CFAP299: variants seen among roughly 807,000 people sequenced by gnomAD.
CFAP299 encodes the protein cilia and flagella associated protein 299.
A neutral mutation model predicts 27.0 loss-of-function variants in CFAP299; 21 were observed. That is an observed-to-expected ratio of 0.78 (90% confidence interval 0.55 to 1.12). CFAP299 has a LOEUF of 1.12. CFAP299 is among the 50% of genes most tolerant of loss of function. The pLI, the probability that CFAP299 is intolerant of heterozygous loss-of-function variation, is 0.00. For missense variants in CFAP299, 310 were observed against 276.6 expected, an observed-to-expected ratio of 1.12 and a Z score of -0.86; for synonymous variants, 104 against 98.1, an observed-to-expected ratio of 1.06 and a Z score of -0.36.
chr4:80,419,109 A>G (rs1727162849), intron 2 of CFAP299, among the ~76,000 whole-genome samples: 4 of 152,220 alleles, frequency 2.6e-5, no homozygotes, highest in Admixed American at 2.0e-4. Flanking sequence ...AGGCAGAAGG[A>G]GAGACCTAGG....
At chr4:80,674,820 T>C (rs574233624) in intron 3 of CFAP299, among the ~76,000 whole-genome samples, 5 of 152,220 alleles carry the variant, frequency 3.3e-5, no homozygotes, top group South Asian at 2.1e-4. Context: ...GAATCGGCTA[T>C]TGAAGCTTAT....
At chr4:80,455,777 A>G (rs1729117832) in intron 2 of CFAP299, among the ~76,000 whole-genome samples, 1 of 152,174 alleles carries the variant, frequency 6.6e-6, no homozygotes, top group Admixed American at 6.5e-5. Context: ...ATAATATTCA[A>G]TGACTCACAT....
rs76578307 is a variant in CFAP299, at chr4:80,437,512, C to G, written c.242+74628C>G. On this transcript the variant is annotated intron_variant, in intron 2 of 5. Coordinates refer to ENST00000358105, the MANE Select transcript of CFAP299 (RefSeq NM_152770.3). ...GAACACGATGGAGGCGAGCTGATAC[C>G]CTGTACACTTACTGAGTCACGTTGC... is the stretch of plus-strand genomic sequence containing the variant. Among the ~76,000 whole-genome samples, 149 of 152,236 alleles carry G rather than the reference C, an allele frequency of 9.8e-4. 1 individual carries two copies. Among genetic ancestry groups the G allele is most frequent in the African/African-American group, 3.5e-3 (146 of 41,536 alleles).
At chr4:80,627,080 A>G (rs1034619172) in intron 3 of CFAP299, among the ~76,000 whole-genome samples, 1 of 152,026 alleles carries the variant, frequency 6.6e-6, no homozygotes. Context: ...TGATTAATAT[A>G]AATGCAAAAA....
At chr4:80,331,373 TG>T (rs1284920003), upstream of CFAP299, among the ~76,000 whole-genome samples, 2 of 152,188 alleles carry the variant, frequency 1.3e-5, no homozygotes, top group Admixed American at 6.5e-5. Context: ...AAAAGAGGCC[TG>T]GTGAGATCCG....
chr4:80,799,481 A>T (rs1341929384), intron 3 of CFAP299, among the ~76,000 whole-genome samples: 2 of 82,654 alleles, frequency 2.4e-5, no homozygotes, highest in East Asian at 3.7e-4. Flanking sequence ...ATATATATTT[A>T]TTAAATATAT....
intron 3 of CFAP299, among the ~76,000 whole-genome samples, chr4:80,619,364 T>C (rs573227318): frequency 5.9e-5 from 9 of 152,310 alleles, no homozygotes; most frequent in African/African-American, 1.9e-4. Flanking sequence ...TTCCTTCTTA[T>C]GCTTTTTTAA....
At chr4:80,856,411 G>A (rs1731891369) in intron 3 of CFAP299, among the ~76,000 whole-genome samples, 1 of 151,558 alleles carries the variant, frequency 6.6e-6, no homozygotes, top group African/African-American at 2.4e-5. Flanking sequence ...AGTTTAATTA[G>A]ATCCCATTTG....
chr4:80,425,942 C>T (rs1727509696), intron 2 of CFAP299, among the ~76,000 whole-genome samples: 1 of 152,066 alleles, frequency 6.6e-6, no homozygotes, highest in Non-Finnish European at 1.5e-5. Flanking sequence ...ACCAGAAATG[C>T]TTCAAATATG....
chr4:80,897,503 C>T (rs1734664158), intron 4 of CFAP299, among the ~76,000 whole-genome samples: 1 of 152,162 alleles, frequency 6.6e-6, no homozygotes, highest in Non-Finnish European at 1.5e-5. Flanking sequence ...AAGTAGTTCA[C>T]AACATCACTG....
At chr4:80,399,262 C>A (rs1459048166) in intron 2 of CFAP299, among the ~76,000 whole-genome samples, 1 of 152,150 alleles carries the variant, frequency 6.6e-6, no homozygotes, top group Non-Finnish European at 1.5e-5. Flanking sequence ...ACTAGTTCAA[C>A]CATTGCGGAA....
intron 1 of CFAP299, among the ~76,000 whole-genome samples, chr4:80,360,940 C>A (rs1300557112): frequency 6.6e-6 from 1 of 152,130 alleles, no homozygotes; most frequent in African/African-American, 2.4e-5. Flanking sequence ...ATATGCAAGT[C>A]AAGATTCCAT....
rs536503845 is a variant in CFAP299, at chr4:80,350,116, G to C, written c.112-12638G>C. On this transcript the variant is annotated intron_variant, in intron 1 of 5. Transcript: ENST00000358105. ...AATGAACACAGCCTCAGTAACCTGT[G>C]GGGCAATGTCAAACAGTCTAACATA... is the stretch of plus-strand genomic sequence containing the variant. Among the ~76,000 whole-genome samples the C allele has an allele frequency of 6.7e-4, 102 of 152,172 alleles. 3 individuals carry two copies. In the South Asian group the frequency reaches 0.021, roughly 31 times the overall value.
At chr4:80,720,067 A>T (rs1387871599) in intron 3 of CFAP299, among the ~76,000 whole-genome samples, 2 of 152,164 alleles carry the variant, frequency 1.3e-5, no homozygotes, top group Non-Finnish European at 2.9e-5. Context: ...CAGGGAGAGC[A>T]CTGAAGTCTC....
intron 4 of CFAP299, among the ~76,000 whole-genome samples, chr4:80,881,164 G>A (rs534984007): frequency 6.9e-4 from 105 of 152,298 alleles, no homozygotes; most frequent in African/African-American, 2.2e-3. Context: ...ATGGAGTGAG[G>A]TTCTTTCTCA....
At chr4:80,517,120 T>C (rs1170330360) in intron 2 of CFAP299, among the ~76,000 whole-genome samples, 1 of 152,146 alleles carries the variant, frequency 6.6e-6, no homozygotes, top group African/African-American at 2.4e-5. Flanking sequence ...TGGGATCTCA[T>C]TTTTCAGTGA....
At chr4:80,681,085 T>A (rs531043804) in intron 3 of CFAP299, among the ~76,000 whole-genome samples, 1 of 152,106 alleles carries the variant, frequency 6.6e-6, no homozygotes, top group Non-Finnish European at 1.5e-5. Flanking sequence ...TGTTCTCAGG[T>A]TGTGTCTGTA....
chr4:80,740,815 G>T (rs1027812568), intron 3 of CFAP299, among the ~76,000 whole-genome samples: 2 of 152,102 alleles, frequency 1.3e-5, no homozygotes, highest in Admixed American at 1.3e-4. Context: ...TCTCCTGGTG[G>T]TCATTACCAC....
the CFAP299 span, among the ~76,000 whole-genome samples, chr4:80,322,760 G>A: frequency 6.6e-6 from 1 of 152,306 alleles, no homozygotes; most frequent in Middle Eastern, 3.4e-3. Context: ...CAACACTAAT[G>A]ATCTTTGGCT....
Sources: gnomAD v4.1 joint callset for allele counts (sites outside exome capture counted in the v4.1 genomes callset) on GRCh38, gnomAD v4.1.1 for gene constraint, MANE v1.5 for transcripts, NCBI Gene and HGNC (gene_info 2026-07-23, HGNC 2026-07-21) for gene names.